Variants in NOX3 observed in about 807,000 individuals in gnomAD.
NOX3 encodes NADPH oxidase catalytic subunit-like 3.
A neutral mutation model predicts 76.7 loss-of-function variants in NOX3; 74 were observed. The observed-to-expected ratio is 0.96, with a 90% CI of 0.80 to 1.17. The LOEUF is 1.17. NOX3 is among the 50% of genes most tolerant of loss of function. The pLI is 0.00. For missense variants in NOX3, 695 were observed against 703.3 expected (o/e 0.99, Z 0.13); for synonymous variants, 263 against 261.1 (o/e 1.01, Z -0.07).
At chr6:155,420,643 A>T (rs2054114539) in intron 10 of NOX3, among the ~76,000 whole-genome samples, 1 of 152,178 alleles carries the variant, frequency 6.6e-6, no homozygotes, top group African/African-American at 2.4e-5. Context: ...TATTATGAGC[A>T]TTTAGTAAAA....
intron 9 of NOX3, among the ~76,000 whole-genome samples, chr6:155,426,304 G>A (rs1776754126): frequency 6.6e-6 from 1 of 152,104 alleles, no homozygotes; most frequent in Middle Eastern, 3.2e-3. Context: ...GCCTGTTCTA[G>A]GCCCTGTGGA....
At chr6:155,423,743 C>CTTTTTTT (rs528445827) in intron 9 of NOX3, among the ~76,000 whole-genome samples, 21 of 137,520 alleles carry the variant, frequency 1.5e-4, no homozygotes, top group African/African-American at 2.1e-4. Context: ...TTTTCTTTTT[C>CTTTTTTT]TTTTTTTTTT....
At chr6:155,405,425 A>G (rs562862139) in intron 12 of NOX3, among the ~76,000 whole-genome samples, 1 of 152,252 alleles carries the variant, frequency 6.6e-6, no homozygotes, top group Admixed American at 6.5e-5. Context: ...TTGTCCATCT[A>G]TATCTGCCTG....
chr6:155,449,522 G>A (rs1021343339), intron 4 of NOX3, among the ~76,000 whole-genome samples: 22 of 152,086 alleles, frequency 1.4e-4, no homozygotes, highest in South Asian at 2.1e-4. Flanking sequence ...AGAATGCTCC[G>A]GCAGCTCTTA....
At chr6:155,414,619 CT>C (rs1776599820) in intron 10 of NOX3, among the ~76,000 whole-genome samples, 7 of 119,416 alleles carry the variant, frequency 5.9e-5, no homozygotes, top group Non-Finnish European at 8.5e-5. Context: ...CTTTTCTTTT[CT>C]TTCTTTTTTT....
chr6:155,430,924 C>T lies in NOX3; in HGVS notation c.810G>A (p.Trp270Ter). The T allele has an allele frequency of 6.2e-7, 1 of 1,608,490 alleles. No homozygotes were observed. The highest frequency in any genetic ancestry group is 8.5e-7 in the Non-Finnish European group (1 of 1,175,420). The change falls in exon 8 of 14, where the codon TGG (tryptophan) becomes TGA (stop). Residue 270 changes from tryptophan to a stop codon, truncating the protein, a stop_gained. Transcript: ENST00000159060. LOFTEE classifies it high-confidence loss of function. ...CATACAAGACCACAGGGCCTAAAAT[C>T]CATTTCCAAGCCTGAAGAGAGTAGC... is the stretch of plus-strand genomic sequence containing the variant. ...FSGKEPSAWK[W>*]ILGPVVLYAC...
intron 9 of NOX3, among the ~76,000 whole-genome samples, chr6:155,428,586 CTTTTT>C (rs35328292): frequency 7.2e-6 from 1 of 138,434 alleles, no homozygotes; most frequent in Admixed American, 7.1e-5. Context: ...GTCTTTTTTT[CTTTTT>C]TTTTTTTTTT....
intron 7 of NOX3, among the ~76,000 whole-genome samples, chr6:155,435,702 A>G (rs1015730168): frequency 6.6e-6 from 1 of 152,162 alleles, no homozygotes; most frequent in Admixed American, 6.5e-5. Context: ...TCTTTCAAGC[A>G]TCACTTGGTT....
rs1776905178 is a variant in NOX3 at position 155,436,472 on chromosome 6, T to C, written c.744A>G (p.Glu248=). 6.2e-7 allele frequency: 1 copy of C among 1,614,212 alleles called. No individual in the cohort carries two copies. The highest frequency in any genetic ancestry group is 1.7e-5 in the Admixed American group (1 of 60,030). ...NITFCRDRYA[E]WQTVAQCPVP... ...CGGGGCATTGGGCCACTGTCTGCCA[T>C]TCTGCATAGCGGTCTCTACAGAAGG... Residue 248 remains glutamate, a synonymous_variant, in exon 7 of 14, where the codon GAA becomes GAG. Coordinates refer to ENST00000159060, the MANE Select transcript of NOX3 (RefSeq NM_015718.3).
At chr6:155,455,353 A>G (rs1777200920) in intron 1 of NOX3, among the ~76,000 whole-genome samples, 1 of 152,226 alleles carries the variant, frequency 6.6e-6, no homozygotes, top group Non-Finnish European at 1.5e-5. Flanking sequence ...GTCAACTTTA[A>G]GTGATTTAAT....
intron 10 of NOX3, 91 bp from the exon 11 acceptor site, chr6:155,411,451 G>T: frequency 8.3e-7 from 1 of 1,206,718 alleles, no homozygotes; most frequent in Non-Finnish European, 1.1e-6. Context: ...AATTATTTGA[G>T]CCCAAATGGG....
chr6:155,439,120 C>T (rs1399887185), intron 6 of NOX3, among the ~76,000 whole-genome samples: 1 of 152,158 alleles, frequency 6.6e-6, no homozygotes, highest in African/African-American at 2.4e-5. Flanking sequence ...ATGGGGACAG[C>T]AGCACCTTCT....
At chr6:155,444,049 TG>T (rs1200306631) in intron 4 of NOX3, among the ~76,000 whole-genome samples, 3 of 152,208 alleles carry the variant, frequency 2.0e-5, no homozygotes, top group Non-Finnish European at 4.4e-5. Context: ...TTATACATGC[TG>T]ATATGTATGT....
At position 155,407,138 on chromosome 6, in the gene NOX3, A is replaced by T. The variant is rs1776474687; in HGVS notation, c.1572T>A (p.Asn524Lys). The T allele has an allele frequency of 6.2e-7, 1 of 1,613,952 alleles. No individual in the cohort carries two copies. Among genetic ancestry groups the T allele is most frequent in the South Asian group, 1.1e-5 (1 of 91,084 alleles). The stretch of plus-strand genomic sequence containing the variant: ...GCAAGAGCTTGCCTTACCTGGGGTG[A>T]TTGTAGGCAATCTGCTTGAACTCAT... ...WNNEFKQIAY[N>K]HPSSSIGVFF... Residue 524 changes from asparagine to lysine, a missense_variant, in exon 12 of 14, where the codon AAT becomes AAA. Asn to Lys is a moderately conservative substitution (Grantham distance 94). Transcript: ENST00000159060.
intron 10 of NOX3, 103 bp downstream of exon 10, chr6:155,422,591 C>T: frequency 1.8e-6 from 2 of 1,087,474 alleles, no homozygotes; most frequent in Non-Finnish European, 2.7e-6. Context: ...TGAGTTTATC[C>T]CTCATAGTTA....
chr6:155,416,744 C>T (rs1357640635), intron 10 of NOX3, among the ~76,000 whole-genome samples: 223 of 92,398 alleles, frequency 2.4e-3, no homozygotes, highest in Admixed American at 3.6e-3. Flanking sequence ...CTGAAACATT[C>T]TTTTTTTTTT....
intron 13 of NOX3, among the ~76,000 whole-genome samples, chr6:155,396,597 G>A (rs1162565051): frequency 6.6e-6 from 1 of 152,174 alleles, no homozygotes; most frequent in Non-Finnish European, 1.5e-5. Context: ...TATATGAAAT[G>A]TGACTTCAGC....
chr6:155,418,530 A>G lies in NOX3; in HGVS notation c.1308+4164T>C, dbSNP rs58544494. ...GCAAGCCATCATTATACTTCTTGTT[A>G]TTTGGCCTTCTTGGGAAATCCCCTC... On this transcript the variant is annotated intron_variant, in intron 10 of 13. Coordinates refer to ENST00000159060, the MANE Select transcript of NOX3 (RefSeq NM_015718.3). Among the ~76,000 whole-genome samples, 976 of 152,100 alleles carry G rather than the reference A, an allele frequency of 6.4e-3. 6 individuals are homozygous for G. Among genetic ancestry groups the G allele is most frequent in the African/African-American group, 0.023 (935 of 41,496 alleles).
intron 3 of NOX3, among the ~76,000 whole-genome samples, chr6:155,454,498 G>A (rs1224500189): frequency 1.3e-5 from 2 of 152,192 alleles, no homozygotes; most frequent in Non-Finnish European, 2.9e-5. Flanking sequence ...AAGCTTATCT[G>A]TCTTCTTTCA....
Sources: allele counts gnomAD v4.1 joint callset (sites outside exome capture counted in the v4.1 genomes callset), GRCh38; gene constraint gnomAD v4.1.1; transcripts MANE v1.5; gene names NCBI Gene and HGNC (gene_info 2026-07-23, HGNC 2026-07-21).